CCDC92B: variants seen among roughly 807,000 people sequenced by gnomAD.
CCDC92B encodes coiled-coil domain containing 92B.
A neutral mutation model predicts 5.6 loss-of-function variants in CCDC92B; 2 were observed. The observed-to-expected ratio is 0.36, with a 90% CI of 0.15 to 1.12. The LOEUF (loss-of-function observed/expected upper bound fraction) is 1.12. CCDC92B is among the 50% of genes most tolerant of loss of function. CCDC92B has a pLI of 0.40. For missense variants in CCDC92B, 271 were observed against 262.2 expected (o/e 1.03, Z -0.23); for synonymous variants, 115 against 122.3 (o/e 0.94, Z 0.39).
At chr17:2,739,620 T>C (rs2070904413) in intron 1 of CCDC92B, among the ~76,000 whole-genome samples, 2 of 151,856 alleles carry the variant, frequency 1.3e-5, no homozygotes, top group Non-Finnish European at 2.9e-5. Context: ...AGGTGGAGCT[T>C]GCAGTGAGCC....
Position 2,724,092 on chromosome 17 carries a change from G to T in CCDC92B, c.*319C>A. 3.0e-6 allele frequency: 3 copies of T among 985,434 alleles called. No homozygotes were observed. Among genetic ancestry groups the T allele is most frequent in the Non-Finnish European group, 3.6e-6 (3 of 829,958 alleles). 61.0% of individuals were successfully genotyped at this position (985,434 alleles called of 1,614,324 possible). ...GGATTGTCGGCTTTCCCGGGGAAGG[G>T]CGTGGCCCCCGCCCCTCCTGTCTCA... On this transcript the variant is annotated 3_prime_UTR_variant, in exon 4 of 4. Transcript: ENST00000614400. The surrounding 1 kb of genome is among the most constrained non-coding windows in gnomAD (Gnocchi z 5.0).
chr17:2,725,074 G>C, intron 3 of CCDC92B, 74 bp from the exon 4 acceptor site: 1 of 984,208 alleles, frequency 1.0e-6, no homozygotes. Flanking sequence ...TCAGAGCTCC[G>C]TGTAACAAAA....
chr17:2,733,646 C>T (rs2070822730), intron 2 of CCDC92B, among the ~76,000 whole-genome samples: 1 of 151,498 alleles, frequency 6.6e-6, no homozygotes, highest in African/African-American at 2.4e-5. Context: ...CCAGGCTGGC[C>T]TCTGCTCCCG....
At chr17:2,727,856 G>C (rs941172956) in intron 3 of CCDC92B, among the ~76,000 whole-genome samples, 1 of 150,330 alleles carries the variant, frequency 6.7e-6, no homozygotes, top group African/African-American at 2.4e-5. Flanking sequence ...GACAAAGAAA[G>C]TTCTTAAGCC....
At chr17:2,739,527 A>G (rs1205575166) in intron 1 of CCDC92B, among the ~76,000 whole-genome samples, 1 of 144,050 alleles carries the variant, frequency 6.9e-6, no homozygotes, top group Non-Finnish European at 1.5e-5. Context: ...AAAAATACAA[A>G]AAAAATTAGC....
intron 1 of CCDC92B, chr17:2,748,506 TTGTGTGTGTGTGTG>T (rs58659149): frequency 1.9e-4 from 189 of 972,468 alleles, no homozygotes; most frequent in Non-Finnish European, 2.2e-4. Flanking sequence ...TTCATCGTGT[TTGTGTGTGTGTGTG>T]TGTGTGTGTG....
chr17:2,748,352 C>T (rs1324004919), intron 1 of CCDC92B: 11 of 982,792 alleles, frequency 1.1e-5, no homozygotes, highest in South Asian at 9.4e-5. Context: ...GACTCTCTCC[C>T]GCCTCTCTGT....
intron 3 of CCDC92B, among the ~76,000 whole-genome samples, chr17:2,728,521 T>G (rs1256177064): frequency 2.0e-5 from 3 of 150,524 alleles, no homozygotes; most frequent in Non-Finnish European, 4.4e-5. Flanking sequence ...CAGAATGGCG[T>G]GAACCCGGGA....
intron 1 of CCDC92B, among the ~76,000 whole-genome samples, chr17:2,748,818 G>T (rs1157175269): frequency 1.3e-5 from 2 of 152,246 alleles, no homozygotes; most frequent in Admixed American, 6.5e-5. Context: ...CTGTCTGCAA[G>T]GTGGGGCCGC....
chr17:2,737,561 G>A (rs761682077), intron 1 of CCDC92B, among the ~76,000 whole-genome samples: 37 of 126,964 alleles, frequency 2.9e-4, no homozygotes, highest in Non-Finnish European at 4.1e-4. Flanking sequence ...TGCAAGCTCC[G>A]CCTCCCAAGT....
chr17:2,735,916 G>A (rs117320066), intron 1 of CCDC92B, among the ~76,000 whole-genome samples: 2 of 152,172 alleles, frequency 1.3e-5, no homozygotes, highest in Non-Finnish European at 2.9e-5. Flanking sequence ...TGTGGAGTGA[G>A]TGAGCCCTAG....
chr17:2,727,760 G>T (rs899867542), intron 3 of CCDC92B, among the ~76,000 whole-genome samples: 2 of 150,824 alleles, frequency 1.3e-5, no homozygotes, highest in Admixed American at 1.3e-4. Flanking sequence ...GGAGGCGGAG[G>T]TTGCAGTGAG....
intron 1 of CCDC92B, among the ~76,000 whole-genome samples, chr17:2,736,134 A>T (rs2070854738): frequency 6.6e-6 from 1 of 152,130 alleles, no homozygotes; most frequent in Admixed American, 6.6e-5. Flanking sequence ...GTCCCTTTGT[A>T]AAAGAGAAAG....
intron 3 of CCDC92B, among the ~76,000 whole-genome samples, chr17:2,729,740 G>C (rs193268295): frequency 2.6e-5 from 4 of 152,206 alleles, no homozygotes; most frequent in Non-Finnish European, 4.4e-5. Flanking sequence ...CAGATCTTTA[G>C]AACTTTTTAA....
At chr17:2,733,889 G>C (rs945576543) in intron 2 of CCDC92B, among the ~76,000 whole-genome samples, 5 of 151,064 alleles carry the variant, frequency 3.3e-5, no homozygotes, top group Non-Finnish European at 7.4e-5. Flanking sequence ...CTTCCGAGTA[G>C]CTGGGATTAC....
chr17:2,744,558 T>G (rs906902739), intron 1 of CCDC92B, among the ~76,000 whole-genome samples: 3 of 152,108 alleles, frequency 2.0e-5, no homozygotes, highest in Non-Finnish European at 4.4e-5. Context: ...GGACATTGCT[T>G]TGGTTCCTCC....
chr17:2,725,310 G>A (rs1209727859), intron 3 of CCDC92B, among the ~76,000 whole-genome samples: 1 of 151,968 alleles, frequency 6.6e-6, no homozygotes, highest in Middle Eastern at 3.2e-3. Flanking sequence ...TTGAACCGGG[G>A]AGGCGGAGGT....
intron 2 of CCDC92B, among the ~76,000 whole-genome samples, chr17:2,734,494 CTT>C (rs10708468): frequency 0.032 from 4,575 of 144,346 alleles, 91 homozygotes; most frequent in Non-Finnish European, 0.052. Context: ...CTAACCAGAG[CTT>C]TTTTTTTTTT....
chr17:2,733,744 CTTTTTTTTTTTTTTTTTT>C (rs386385447), intron 2 of CCDC92B, among the ~76,000 whole-genome samples: 1 of 49,306 alleles, frequency 2.0e-5, no homozygotes, highest in Non-Finnish European at 3.4e-5. Context: ...GGACCACTGG[CTTTTTTTTTTTTTTTTTT>C]TTTTTTTTTT....
Sources: gnomAD v4.1 joint callset for allele counts (sites outside exome capture counted in the v4.1 genomes callset) on GRCh38, gnomAD v4.1.1 for gene constraint, Gnocchi (gnomAD v3.1) non-coding constraint, MANE v1.5 for transcripts, NCBI Gene and HGNC (gene_info 2026-07-23, HGNC 2026-07-21) for gene names.